Variants in CDK5RAP2 observed in about 807,000 individuals in gnomAD.
CDK5RAP2 encodes CDK5 regulatory subunit associated protein 2.
Under a neutral mutation model 232.9 loss-of-function variants are expected in CDK5RAP2, and 147 were observed. That is an observed-to-expected ratio of 0.63 (90% confidence interval 0.55 to 0.72). The LOEUF (loss-of-function observed/expected upper bound fraction) is 0.72. CDK5RAP2 is among the 30% of genes least tolerant of loss of function. The pLI is 0.00. For missense variants in CDK5RAP2, 2,195 were observed against 2,231.5 expected (o/e 0.98, Z 0.33); for synonymous variants, 833 against 833.7 (o/e 1.00, Z 0.01).
intron 14 of CDK5RAP2, among the ~76,000 whole-genome samples, chr9:120,481,869 G>A (rs2038336241): frequency 6.6e-6 from 1 of 152,170 alleles, no homozygotes; most frequent in African/African-American, 2.4e-5. Flanking sequence ...ATGTCCTGGA[G>A]CGTTAAAGAG....
chr9:120,420,640 T>C (rs2131372487), intron 26 of CDK5RAP2, among the ~76,000 whole-genome samples: 1 of 152,180 alleles, frequency 6.6e-6, no homozygotes. Context: ...CCATTAGAGA[T>C]AAACTCCTTA....
intron 25 of CDK5RAP2, among the ~76,000 whole-genome samples, chr9:120,436,140 G>A (rs895920705): frequency 3.3e-5 from 5 of 152,060 alleles, no homozygotes; most frequent in African/African-American, 7.2e-5. Context: ...ACCAAAAACG[G>A]GATTAATATT....
At chr9:120,535,545 C>T (rs868823681) in intron 7 of CDK5RAP2, among the ~76,000 whole-genome samples, 3 of 152,232 alleles carry the variant, frequency 2.0e-5, no homozygotes, top group Non-Finnish European at 2.9e-5. Flanking sequence ...CAAACAAGCT[C>T]GGCTCTTCAA....
chr9:120,429,364 T>C lies in CDK5RAP2; in HGVS notation c.3956-6623A>G, dbSNP rs568024488. 1.7e-3 allele frequency among the ~76,000 whole-genome samples: 258 copies of C among 152,164 alleles called. 3 individuals are homozygous for C. In the South Asian group the frequency reaches 0.018, roughly 11 times the overall value. On this transcript the variant is annotated intron_variant, in intron 25 of 37. Transcript: ENST00000349780. ...TGATTGTATATCTAGAAAACCCCAT[T>C]GTCTCAGCCCAAAATTTCCTTAAGC...
chr9:120,397,550 A>G (rs1419632643), intron 35 of CDK5RAP2, among the ~76,000 whole-genome samples: 1 of 139,484 alleles, frequency 7.2e-6, no homozygotes, highest in African/African-American at 2.9e-5. Context: ...TTCTTAAAAA[A>G]AAAAAAAAAA....
Position 120,580,064 on chromosome 9 carries a change from G to C in CDK5RAP2, c.-86C>G, listed in dbSNP as rs1450526323. 7.4e-6 allele frequency: 6 copies of C among 816,018 alleles called. No homozygotes were observed. The East Asian group carries it at 1.3e-4, about 18-fold the overall frequency. The allele number at this position is 816,018 out of a possible 1,614,324, so 50.5% of individuals were successfully genotyped here. A position where few individuals can be genotyped will look rare whatever the true frequency, so the allele number is the denominator to read the frequency against. ...GATAGCGACCCGCCGGGCTCCCCAG[G>C]TCCCCGCCCCCTCCACCCCAGCTCT... On this transcript the variant is annotated 5_prime_UTR_variant, in exon 1 of 38. Transcript: ENST00000349780.
intron 19 of CDK5RAP2, among the ~76,000 whole-genome samples, chr9:120,458,919 C>T (rs2036934455): frequency 6.6e-6 from 1 of 152,144 alleles, no homozygotes; most frequent in South Asian, 2.1e-4. Flanking sequence ...GTAATGGTAC[C>T]TCCCGAGGTG....
At chr9:120,389,999 T>C (rs2031782164) in intron 36 of CDK5RAP2, 6 of 586,304 alleles carry the variant, frequency 1.0e-5, no homozygotes, top group East Asian at 6.1e-5. Flanking sequence ...CAACACCTCT[T>C]TGAGGCCCCG....
chr9:120,434,838 G>A (rs769745846), intron 25 of CDK5RAP2, among the ~76,000 whole-genome samples: 10 of 152,202 alleles, frequency 6.6e-5, no homozygotes, highest in African/African-American at 1.9e-4. Flanking sequence ...TTAGTGTCAG[G>A]CAAACTGTTT....
chr9:120,481,922 G>C (rs922421708), intron 14 of CDK5RAP2, among the ~76,000 whole-genome samples: 1 of 152,170 alleles, frequency 6.6e-6, no homozygotes, highest in African/African-American at 2.4e-5. Flanking sequence ...AATGATGCCC[G>C]GCTTGAGGCA....
intron 4 of CDK5RAP2, 43 bp from the exon 5 acceptor site, chr9:120,545,833 G>A (rs1166408369): frequency 6.7e-7 from 1 of 1,482,216 alleles, no homozygotes; most frequent in Non-Finnish European, 9.4e-7. Flanking sequence ...ATGTAAAATA[G>A]AGGACCTATG....
intron 31 of CDK5RAP2, 60 bp from the exon 32 acceptor site, chr9:120,407,308 A>G: frequency 1.5e-6 from 2 of 1,311,460 alleles, no homozygotes; most frequent in South Asian, 2.3e-5. Flanking sequence ...TCAGCCATCG[A>G]AGGAACTCAA....
chr9:120,462,887 T>C (rs2037171014), intron 18 of CDK5RAP2, among the ~76,000 whole-genome samples: 1 of 152,234 alleles, frequency 6.6e-6, no homozygotes, highest in African/African-American at 2.4e-5. Flanking sequence ...ATATGCACAT[T>C]GAAGTACTTG....
chr9:120,536,773 G>A (rs1045545416), intron 6 of CDK5RAP2, among the ~76,000 whole-genome samples: 7 of 151,978 alleles, frequency 4.6e-5, no homozygotes, highest in African/African-American at 1.7e-4. Flanking sequence ...TGTATTTTTG[G>A]TTTTGAAAAA....
At chr9:120,524,614 A>C (rs947634330) in intron 11 of CDK5RAP2, among the ~76,000 whole-genome samples, 53 of 152,056 alleles carry the variant, frequency 3.5e-4, no homozygotes, top group Non-Finnish European at 4.6e-4. Flanking sequence ...CTCAAGCCTC[A>C]GCGACAGAGG....
At chr9:120,548,502 T>C (rs1160630786) in intron 4 of CDK5RAP2, among the ~76,000 whole-genome samples, 1 of 152,208 alleles carries the variant, frequency 6.6e-6, no homozygotes, top group African/African-American at 2.4e-5. Context: ...AAATGGAATA[T>C]TATGAAACTA....
In CDK5RAP2 at chr9:120,389,248, T is replaced by A; in HGVS notation, c.5670A>T (p.Arg1890Ser). The change falls in exon 38 of 38, where the codon AGA becomes AGT. Residue 1890 changes from arginine (R) to serine (S), a missense_variant. Transcript: ENST00000349780. ...CTGAAAGTTCTTCTCAGGAGCCTGG[T>A]CTGCTGGGACTGCATGTTCCTGGAT... ...GAHPGTCSPS[R>S]PGS is the part of the protein sequence containing the mutation. The A allele has an allele frequency of 6.2e-7, 1 of 1,612,966 alleles. No individual in the cohort carries two copies. Among genetic ancestry groups the A allele is most frequent in the Admixed American group, 1.7e-5 (1 of 59,882 alleles).
intron 15 of CDK5RAP2, among the ~76,000 whole-genome samples, chr9:120,474,426 C>T (rs1217738518): frequency 1.3e-5 from 2 of 152,256 alleles, no homozygotes; most frequent in African/African-American, 4.8e-5. Context: ...CCGACCCTCC[C>T]ATGGTAGAGG....
At position 120,497,421 on chromosome 9, in the gene CDK5RAP2, TAAAAAAAAAAAAAAAAAAAAAA is replaced by T. The variant is rs71385064; in HGVS notation, c.1312-5966_1312-5945del. On this transcript the variant is annotated intron_variant, in intron 12 of 37. Coordinates refer to ENST00000349780, the MANE Select transcript of CDK5RAP2 (RefSeq NM_018249.6). Reference sequence around the variant, plus strand: ...AGAATTATCAATAAAAAAATAAATTTAAAAAAAAAAAAAAAAAAAAAAAAAAAAAAAAAGAATCATCAATGGA... The same window carrying T: ...AGAATTATCAATAAAAAAATAAATTTAAAAAAAAAAAGAATCATCAATGGA... Among the ~76,000 whole-genome samples, 4 of 23,314 alleles carry T rather than the reference TAAAAAAAAAAAAAAAAAAAAAA, an allele frequency of 1.7e-4. 1 individual carries two copies. Among genetic ancestry groups the T allele is most frequent in the African/African-American group, 1.3e-3 (2 of 1,514 alleles). The allele number at this position is 23,314 out of a possible 152,430, so 15.3% of individuals were successfully genotyped here. A position where few individuals can be genotyped will look rare whatever the true frequency, so the allele number is the denominator to read the frequency against.
Sources: gnomAD v4.1 joint callset for allele counts (sites outside exome capture counted in the v4.1 genomes callset) on GRCh38, gnomAD v4.1.1 for gene constraint, MANE v1.5 for transcripts, NCBI Gene and HGNC (gene_info 2026-07-23, HGNC 2026-07-21) for gene names.